The following IYD variants were observed in gnomAD, a reference collection of about 807,000 sequenced individuals.
The protein encoded by IYD is iodotyrosine deiodinase.
IYD carries 25 observed loss-of-function variants against 28.4 expected under a neutral mutation model. The ratio of observed to expected loss-of-function variants is 0.88; its 90% CI spans 0.64 to 1.23. IYD has a LOEUF of 1.23. IYD is among the 50% of genes most tolerant of loss of function. The pLI is 0.00. For synonymous variants in IYD, 140 were observed against 130.8 expected (o/e 1.07, Z -0.48); for missense variants, 352 against 357.9 (o/e 0.98, Z 0.13).
intron 1 of IYD, among the ~76,000 whole-genome samples, chr6:150,385,273 A>G (rs1777818421): frequency 6.6e-6 from 1 of 152,176 alleles, no homozygotes; most frequent in South Asian, 2.1e-4. Context: ...AATTGTGGTG[A>G]GAACATCCTA....
At chr6:150,378,166 TTTTTATTTTA>T (rs549576063) in intron 1 of IYD, among the ~76,000 whole-genome samples, 1 of 152,122 alleles carries the variant, frequency 6.6e-6, no homozygotes. Flanking sequence ...TCTTCCTTTC[TTTTTATTTTA>T]TTTTATTTTA....
chr6:150,384,155 G>A (rs1777772365), intron 1 of IYD, among the ~76,000 whole-genome samples: 1 of 152,138 alleles, frequency 6.6e-6, no homozygotes, highest in Non-Finnish European at 1.5e-5. Flanking sequence ...AGCATTTTCA[G>A]CAATATCACA....
chr6:150,374,116 A>G (rs982758632), intron 1 of IYD, among the ~76,000 whole-genome samples: 9 of 152,242 alleles, frequency 5.9e-5, no homozygotes, highest in Non-Finnish European at 8.8e-5. Context: ...TTGGAGAGGA[A>G]GATAAAAATA....
At chr6:150,388,627 T>TCTTTC (rs1777968672) in intron 1 of IYD, among the ~76,000 whole-genome samples, 1 of 129,058 alleles carries the variant, frequency 7.7e-6, no homozygotes, top group East Asian at 2.7e-4. Flanking sequence ...GTCTGGAGTT[T>TCTTTC]TTGCTTTCTT....
In IYD at chr6:150,394,134, CT is replaced by C. The variant is rs1294231904; in HGVS notation, c.567del (p.Ile190PhefsTer2). The C allele has an allele frequency of 7.4e-6, 12 of 1,614,008 alleles. No individual in the cohort carries two copies. The highest frequency in any genetic ancestry group is 1.3e-5 in the African/African-American group (1 of 74,916). On this transcript the variant is annotated frameshift_variant, in exon 4 of 5. Coordinates refer to ENST00000344419, the MANE Select transcript of IYD (RefSeq NM_203395.3). LOFTEE classifies it high-confidence loss of function. ...NWIKEYLDTA[P>X]ILILIFKQVH... ...ATTAAAGAGTACTTGGATACTGCCC[CT>C]ATTTTGATTCTCATTTTCAAACAAG...
intron 2 of IYD, among the ~76,000 whole-genome samples, chr6:150,392,021 C>G (rs938647143): frequency 1.3e-5 from 2 of 151,640 alleles, no homozygotes; most frequent in Non-Finnish European, 2.9e-5. Flanking sequence ...GTATGAATTA[C>G]TACGTTTATC....
At chr6:150,370,224 C>CGTGCGT (rs1777175623) in intron 1 of IYD, among the ~76,000 whole-genome samples, 1 of 150,170 alleles carries the variant, frequency 6.7e-6, no homozygotes, top group African/African-American at 2.5e-5. Flanking sequence ...TGTGCGCGTG[C>CGTGCGT]GTGTGTGTGT....
At chr6:150,395,952 A>G (rs1778297206) in intron 4 of IYD, 1 of 443,682 alleles carries the variant, frequency 2.3e-6, no homozygotes. Context: ...CTGGGTGGGG[A>G]TGCTCTGCTT....
intron 1 of IYD, among the ~76,000 whole-genome samples, chr6:150,377,784 G>A (rs12211979): frequency 0.098 from 14,966 of 152,264 alleles, 1,030 homozygotes; most frequent in Non-Finnish European, 0.14. Context: ...ATTAACTACA[G>A]AGGCTGCCAG....
intron 1 of IYD, among the ~76,000 whole-genome samples, chr6:150,375,891 T>C (rs534144429): frequency 1.3e-5 from 2 of 152,322 alleles, no homozygotes; most frequent in South Asian, 2.1e-4. Flanking sequence ...GTGACACAAA[T>C]TGTCCTTGGT....
intron 1 of IYD, among the ~76,000 whole-genome samples, chr6:150,372,824 G>A (rs944419695): frequency 2.1e-4 from 32 of 151,994 alleles, no homozygotes; most frequent in African/African-American, 7.5e-4. Context: ...GTAGGGTACA[G>A]TCTCCCTTTG....
At chr6:150,384,768 CT>C (rs1465686589) in intron 1 of IYD, 2 of 152,164 alleles carry the variant, frequency 1.3e-5, no homozygotes, top group African/African-American at 4.8e-5. Context: ...AATGTAGTAT[CT>C]GGGAATTTGA....
At chr6:150,378,807 C>G (rs186446824) in intron 1 of IYD, among the ~76,000 whole-genome samples, 135 of 152,242 alleles carry the variant, frequency 8.9e-4, no homozygotes, top group African/African-American at 2.8e-3. Context: ...ACCCAAAGGA[C>G]TATAAATCAT....
At chr6:150,377,107 T>A (rs1466393161) in intron 1 of IYD, among the ~76,000 whole-genome samples, 1 of 152,194 alleles carries the variant, frequency 6.6e-6, no homozygotes, top group African/African-American at 2.4e-5. Context: ...GGGTATTGTT[T>A]GCAGACCCCC....
chr6:150,392,693 G>A (rs1278483578), intron 3 of IYD, among the ~76,000 whole-genome samples, 189 bp downstream of exon 3: 1 of 152,128 alleles, frequency 6.6e-6, no homozygotes, highest in Non-Finnish European at 1.5e-5. Flanking sequence ...AATAGGCTCT[G>A]ACTCAATTAT....
In IYD at chr6:150,399,184, A is replaced by G. The variant is rs1034247165; in HGVS notation, c.*947A>G. 2.0e-5 allele frequency: 3 copies of G among 152,266 alleles called. No homozygotes were observed. Among genetic ancestry groups the G allele is most frequent in the Admixed American group, 6.5e-5 (1 of 15,286 alleles). The allele number at this position is 152,266 out of a possible 1,614,324, so 9.4% of individuals were successfully genotyped here. A position where few individuals can be genotyped will look rare whatever the true frequency, so the allele number is the denominator to read the frequency against. ...GGTAGATCTGACTTGTAAGCAGTTC[A>G]TAGAAGCTGCTCAATACTCAAGAAT... On this transcript the variant is annotated 3_prime_UTR_variant, in exon 5 of 5. Coordinates refer to ENST00000344419, the MANE Select transcript of IYD (RefSeq NM_203395.3).
intron 2 of IYD, among the ~76,000 whole-genome samples, chr6:150,390,927 G>A (rs548273833): frequency 1.3e-5 from 2 of 152,218 alleles, no homozygotes; most frequent in East Asian, 3.9e-4. Flanking sequence ...CGTGCGTATT[G>A]AGTACCCATG....
In IYD at chr6:150,402,328, G is replaced by A. The variant is rs1216522428; in HGVS notation, c.*4091G>A. On this transcript the variant is annotated 3_prime_UTR_variant, in exon 5 of 5. Transcript: ENST00000344419. ...AATTCCATCGTACCTTGGCCTAGGA[G>A]TGACCTCCTCAGTCTCACAACCCTT... 6.6e-6 allele frequency: 1 copy of A among 152,198 alleles called. No homozygotes were observed. The highest frequency in any genetic ancestry group is 1.5e-5 in the Non-Finnish European group (1 of 68,048). 9.4% of individuals were successfully genotyped at this position (152,198 alleles called of 1,614,324 possible).
rs79580857 is a variant in IYD at position 150,401,105 on chromosome 6, T to C, written c.*2868T>C. 1 of 152,164 alleles carries C rather than the reference T, an allele frequency of 6.6e-6. No individual in the cohort carries two copies. The allele number at this position is 152,164 out of a possible 1,614,324, so 9.4% of individuals were successfully genotyped here. On this transcript the variant is annotated 3_prime_UTR_variant, in exon 5 of 5. Transcript: ENST00000344419. ...AAAATGTTAGGTGGAGCATATACAG[T>C]TCTCATTATACTCTTATTTTAAATT...
Sources: gnomAD v4.1 joint callset for allele counts (sites outside exome capture counted in the v4.1 genomes callset) on GRCh38, gnomAD v4.1.1 for gene constraint, MANE v1.5 for transcripts, NCBI Gene and HGNC (gene_info 2026-07-23, HGNC 2026-07-21) for gene names.